The following ZPLD1 variants were observed in gnomAD, a reference collection of about 807,000 sequenced individuals.
ZPLD1 encodes the protein zona pellucida-like domain-containing protein 1.
In ZPLD1, 34 loss-of-function variants were observed where a neutral mutation model predicts 47.2. The ratio of observed to expected loss-of-function variants is 0.72; its 90% CI spans 0.55 to 0.96. ZPLD1 has a LOEUF of 0.96. ZPLD1 is among the 40% of genes least tolerant of loss of function. The pLI, the probability that ZPLD1 is intolerant of heterozygous loss-of-function variation, is 0.00. For synonymous variants in ZPLD1, 176 were observed against 186.2 expected, an observed-to-expected ratio of 0.95 and a Z score of 0.45; for missense variants, 512 against 505.8, an observed-to-expected ratio of 1.01 and a Z score of -0.12.
chr3:102,434,980 C>A (rs1191662164), upstream of ZPLD1: 7 of 917,136 alleles, frequency 7.6e-6, no homozygotes, highest in South Asian at 4.7e-5. Flanking sequence ...ATCTAGGGAG[C>A]CTGAGCAGCC....
At chr3:102,394,870 C>A (rs767418802) in intron 7 of ZPLD1, among the ~76,000 whole-genome samples, 55 of 152,016 alleles carry the variant, frequency 3.6e-4, no homozygotes, top group Admixed American at 1.4e-3. Context: ...TTGAAGAAGG[C>A]TTTTTAAGAG....
rs1293396524 is a variant in ZPLD1 at position 102,438,617 on chromosome 3, T to A, written c.106+24T>A. On this transcript the variant is annotated intron_variant, in intron 3 of 11. Coordinates refer to ENST00000466937, the MANE Select transcript of ZPLD1 (RefSeq NM_001329788.2). Reference sequence around the variant, plus strand: ...TGGTAAGTGTAAGCCTAATCTATTCTCTAGTTGTTTCTGGAAGAGTGATTA... The same window carrying A: ...TGGTAAGTGTAAGCCTAATCTATTCACTAGTTGTTTCTGGAAGAGTGATTA... 1.9e-6 allele frequency: 3 copies of A among 1,543,286 alleles called. No individual in the cohort carries two copies. The South Asian group carries it at 3.4e-5, about 17-fold the overall frequency.
At chr3:102,415,732 C>T (rs1452142710) in intron 7 of ZPLD1, among the ~76,000 whole-genome samples, 1 of 151,768 alleles carries the variant, frequency 6.6e-6, no homozygotes, top group Non-Finnish European at 1.5e-5. Context: ...ATTTACAGCT[C>T]CCTGTGACAA....
At chr3:102,442,525 C>G (rs745576355) in intron 3 of ZPLD1, among the ~76,000 whole-genome samples, 1 of 151,984 alleles carries the variant, frequency 6.6e-6, no homozygotes, top group Non-Finnish European at 1.5e-5. Context: ...AAAAGAAGAT[C>G]AGAGTGAGCA....
chr3:102,464,335 T>G, intron 8 of ZPLD1, 84 bp downstream of exon 8: 1 of 996,516 alleles, frequency 1.0e-6, no homozygotes, highest in Non-Finnish European at 1.6e-6. Context: ...GTCAGATAAA[T>G]TATAAAGCAC....
chr3:102,465,380 C>T (rs1205380281), intron 8 of ZPLD1, among the ~76,000 whole-genome samples: 1 of 152,154 alleles, frequency 6.6e-6, no homozygotes, highest in African/African-American at 2.4e-5. Context: ...TACCTTCTCC[C>T]TTTCTGTCCT....
At chr3:102,462,427 A>C in intron 7 of ZPLD1, 49 bp downstream of exon 7, 1 of 1,294,724 alleles carries the variant, frequency 7.7e-7, no homozygotes, top group Non-Finnish European at 1.1e-6. Flanking sequence ...TTGACTGCCT[A>C]AATCCTCATG....
rs1707789082 is a variant in ZPLD1, at chr3:102,478,316, TTTC to T, written c.*706_*708del. ...TAGAATAGGAATGGCTGCGATCAGT[TTTC>T]TTCTTCTGGTTCAGGTGAGAACACC... is the stretch of plus-strand genomic sequence containing the variant. On this transcript the variant is annotated 3_prime_UTR_variant, in exon 12 of 12. Coordinates refer to ENST00000466937, the MANE Select transcript of ZPLD1 (RefSeq NM_001329788.2). The T allele has an allele frequency of 1.3e-5, 2 of 152,328 alleles. No individual in the cohort carries two copies. The highest frequency in any genetic ancestry group is 2.9e-5 in the Non-Finnish European group (2 of 68,034). 9.4% of individuals were successfully genotyped at this position (152,328 alleles called of 1,614,324 possible). A position where few individuals can be genotyped will look rare whatever the true frequency, so the allele number is the denominator to read the frequency against.
At chr3:102,414,782 A>C (rs1275388138) in intron 7 of ZPLD1, among the ~76,000 whole-genome samples, 1 of 151,840 alleles carries the variant, frequency 6.6e-6, no homozygotes, top group African/African-American at 2.4e-5. Flanking sequence ...AAAAAAACAA[A>C]CAGATGTTTA....
Position 102,396,331 on chromosome 3 carries a change from G to A in ZPLD1, c.-157+4106G>A, listed in dbSNP as rs555584215. The stretch of plus-strand genomic sequence containing the variant: ...TCATAGAGTAATCTTTTTTGAAGAC[G>A]TTTAAGTGACAATTGGGTATTCATA... On this transcript the variant is annotated intron_variant, in intron 7 of 17. Coordinates refer to the ZPLD1 transcript ENST00000491959. Among the ~76,000 whole-genome samples the A allele has an allele frequency of 6.6e-5, 10 of 152,206 alleles. No individual in the cohort carries two copies. In the East Asian group the frequency reaches 9.7e-4, roughly 15 times the overall value.
At position 102,456,176 on chromosome 3, in the gene ZPLD1, A is replaced by G; in HGVS notation, c.328-17A>G. Reference sequence around the variant, plus strand: ...TATAGCCATTTAATCATTAAACTGCATCTAACATTCTAACAGGTATCCACA... The same window carrying G: ...TATAGCCATTTAATCATTAAACTGCGTCTAACATTCTAACAGGTATCCACA... On this transcript the variant is annotated splice_polypyrimidine_tract_variant and intron_variant, in intron 4 of 11. Transcript: ENST00000466937. The G allele has an allele frequency of 6.2e-7, 1 of 1,604,140 alleles. No individual in the cohort carries two copies. The highest frequency in any genetic ancestry group is 1.1e-5 in the South Asian group (1 of 88,892).
intron 8 of ZPLD1, among the ~76,000 whole-genome samples, chr3:102,419,069 T>C (rs1401523116): frequency 2.6e-5 from 4 of 152,044 alleles, no homozygotes; most frequent in Non-Finnish European, 5.9e-5. Context: ...CTCCTTTGAA[T>C]TGGATTCTTA....
At chr3:102,404,435 T>C (rs1706657895) in intron 7 of ZPLD1, among the ~76,000 whole-genome samples, 1 of 151,992 alleles carries the variant, frequency 6.6e-6, no homozygotes, top group Admixed American at 6.6e-5. Flanking sequence ...AACATTCATT[T>C]CAAAATTCTA....
chr3:102,426,484 C>T (rs1027155511), intron 8 of ZPLD1, among the ~76,000 whole-genome samples: 7 of 150,414 alleles, frequency 4.7e-5, no homozygotes, highest in Non-Finnish European at 8.8e-5. Flanking sequence ...TGCCACTGCA[C>T]TCCAGCCTGG....
At chr3:102,457,875 G>A in intron 6 of ZPLD1, 22 bp downstream of exon 6, 1 of 1,611,018 alleles carries the variant, frequency 6.2e-7, no homozygotes, top group Non-Finnish European at 8.5e-7. Context: ...GGTGAAGGAT[G>A]TTATTTTCTC....
intron 7 of ZPLD1, among the ~76,000 whole-genome samples, chr3:102,396,380 G>A (rs1025359928): frequency 1.3e-5 from 2 of 152,086 alleles, no homozygotes; most frequent in Non-Finnish European, 2.9e-5. Flanking sequence ...TAAATTGCAT[G>A]TGATGCTACC....
intron 7 of ZPLD1, among the ~76,000 whole-genome samples, chr3:102,394,517 TTTCC>T (rs763381446): frequency 1.3e-4 from 19 of 151,442 alleles, no homozygotes; most frequent in Admixed American, 5.9e-4. Context: ...TCTTTTTTTG[TTTCC>T]TTCCTTTATT....
intron 7 of ZPLD1, among the ~76,000 whole-genome samples, chr3:102,463,165 G>A (rs1707535911): frequency 6.6e-6 from 1 of 152,058 alleles, no homozygotes; most frequent in Non-Finnish European, 1.5e-5. Flanking sequence ...CATCGGAGTT[G>A]GAATGGACTA....
intron 5 of ZPLD1, 98 bp downstream of exon 5, chr3:102,456,472 AAT>A (rs1707415299): frequency 1.0e-5 from 11 of 1,066,240 alleles, no homozygotes; most frequent in African/African-American, 9.5e-5. Context: ...ATTTATTAAA[AAT>A]AGTTAAATTC....
Sources: allele counts gnomAD v4.1 joint callset (sites outside exome capture counted in the v4.1 genomes callset), GRCh38; gene constraint gnomAD v4.1.1; transcripts MANE v1.5; gene names NCBI Gene and HGNC (gene_info 2026-07-23, HGNC 2026-07-21).